The following CAMTA1 variants were observed in gnomAD, a reference collection of about 807,000 sequenced individuals.
The protein encoded by CAMTA1 is calmodulin-binding transcription activator 1.
In CAMTA1, 27 loss-of-function variants were observed where a neutral mutation model predicts 170.9. The observed-to-expected ratio is 0.16, with a 90% confidence interval of 0.12 to 0.22. The LOEUF is 0.22. CAMTA1 is among the 10% of genes least tolerant of loss of function. CAMTA1 has a pLI of 1.00. For missense variants in CAMTA1, 1,619 were observed against 2,217.2 expected, an observed-to-expected ratio of 0.73 and a Z score of 5.42; for synonymous variants, 833 against 891.5, an observed-to-expected ratio of 0.93 and a Z score of 1.17.
intron 3 of CAMTA1, among the ~76,000 whole-genome samples, chr1:6,935,993 G>T (rs1685241998): frequency 6.6e-6 from 1 of 152,190 alleles, no homozygotes; most frequent in African/African-American, 2.4e-5. Flanking sequence ...GGCTGTCGGA[G>T]GTCTAACTGT....
At chr1:6,914,536 C>T (rs1187149211) in intron 3 of CAMTA1, among the ~76,000 whole-genome samples, 10 of 152,238 alleles carry the variant, frequency 6.6e-5, no homozygotes, top group Admixed American at 4.6e-4. Context: ...ACACGGCTAT[C>T]GGCTGCCCTA....
At chr1:7,066,266 G>A (rs1047354865) in intron 3 of CAMTA1, among the ~76,000 whole-genome samples, 1 of 152,236 alleles carries the variant, frequency 6.6e-6, no homozygotes, top group East Asian at 1.9e-4. Context: ...GGCTGTAGCT[G>A]TTGGCCTTGG....
At chr1:7,692,520 CGAAA>C (rs1012284253) in intron 11 of CAMTA1, among the ~76,000 whole-genome samples, 2 of 152,052 alleles carry the variant, frequency 1.3e-5, no homozygotes, top group South Asian at 2.1e-4. Context: ...AAAGAAAGAA[CGAAA>C]GAAAGAATGA....
intron 4 of CAMTA1, among the ~76,000 whole-genome samples, chr1:7,170,558 T>C (rs904358633): frequency 1.3e-5 from 2 of 152,140 alleles, no homozygotes; most frequent in African/African-American, 2.4e-5. Flanking sequence ...AGTGAGAACA[T>C]GCAGTGTTTG....
At chr1:7,552,174 C>T (rs1349354252) in intron 6 of CAMTA1, among the ~76,000 whole-genome samples, 2 of 122,308 alleles carry the variant, frequency 1.6e-5, no homozygotes, top group African/African-American at 5.8e-5. Context: ...ATGAAGTAGC[C>T]TTCTGAAGGC....
At chr1:7,624,642 G>A (rs903292032) in intron 6 of CAMTA1, among the ~76,000 whole-genome samples, 5 of 152,206 alleles carry the variant, frequency 3.3e-5, no homozygotes, top group African/African-American at 1.2e-4. Context: ...ACCGATCCAG[G>A]ATGAGTGTCC....
At position 7,555,936 on chromosome 1, in the gene CAMTA1, C is replaced by G. The variant is rs532516577; in HGVS notation, c.511-84464C>G. Among the ~76,000 whole-genome samples, 6 of 152,306 alleles carry G rather than the reference C, an allele frequency of 3.9e-5. No individual in the cohort carries two copies. The South Asian group carries it at 1.2e-3, about 32-fold the overall frequency. On this transcript the variant is annotated intron_variant, in intron 6 of 22. Transcript: ENST00000303635. ...GTATTAATATGCAGCCATGGTGAGGCTAGCAGATCAGCAGGCGGCTGCCTG... is the reference window on the plus strand; with the variant it reads ...GTATTAATATGCAGCCATGGTGAGGGTAGCAGATCAGCAGGCGGCTGCCTG...
rs1684987380 is a variant in CAMTA1 at position 6,934,605 on chromosome 1, C to T, written c.234+109395C>T. Among the ~76,000 whole-genome samples, 1 of 152,166 alleles carries T rather than the reference C, an allele frequency of 6.6e-6. No homozygotes were observed. The highest frequency in any genetic ancestry group is 2.4e-5 in the African/African-American group (1 of 41,424). On this transcript the variant is annotated intron_variant, in intron 3 of 22. Coordinates refer to ENST00000303635, the MANE Select transcript of CAMTA1 (RefSeq NM_015215.4). The surrounding 1 kb of genome is among the most constrained non-coding windows in gnomAD (Gnocchi z 4.5). ...TGTGACAGGTACTGTGGAATCCTTG[C>T]CTTCCAGGGGAGACCTGTGGCCGGC...
intron 6 of CAMTA1, among the ~76,000 whole-genome samples, chr1:7,558,684 G>C (rs2150238121): frequency 6.6e-6 from 1 of 152,344 alleles, no homozygotes; most frequent in South Asian, 2.1e-4. Flanking sequence ...CGCTCTGCGG[G>C]TCTGGGGTGC....
rs1211328481 is a variant in CAMTA1, at chr1:7,249,138, G to A, written c.303-353G>A. On this transcript the variant is annotated intron_variant, in intron 4 of 22. Transcript: ENST00000303635. The surrounding 1 kb of genome is among the most constrained non-coding windows in gnomAD (Gnocchi z 4.4). ...CACAAGAGATAAGATATTGCAGGCT[G>A]CCACGACACCCCTGGCTCTTTTTGC... 6.6e-6 allele frequency among the ~76,000 whole-genome samples: 1 copy of A among 152,164 alleles called. No homozygotes were observed. Among genetic ancestry groups the A allele is most frequent in the East Asian group, 1.9e-4 (1 of 5,184 alleles).
At chr1:7,486,203 GA>G (rs147395746) in intron 6 of CAMTA1, among the ~76,000 whole-genome samples, 4,397 of 152,312 alleles carry the variant, frequency 0.029, 112 homozygotes, top group African/African-American at 0.067. Flanking sequence ...TGGTATGCTG[GA>G]AATGCCTAAC....
intron 3 of CAMTA1, among the ~76,000 whole-genome samples, chr1:6,997,317 A>G (rs965593703): frequency 1.3e-5 from 2 of 152,120 alleles, no homozygotes; most frequent in Non-Finnish European, 1.5e-5. Context: ...AAAGTCTCCA[A>G]CCAAACCTAC....
intron 3 of CAMTA1, among the ~76,000 whole-genome samples, chr1:6,836,446 G>A (rs1384462735): frequency 6.6e-6 from 1 of 152,176 alleles, no homozygotes; most frequent in African/African-American, 2.4e-5. Context: ...ATGTTCACTG[G>A]TCTGGCGAAG....
intron 4 of CAMTA1, among the ~76,000 whole-genome samples, chr1:7,166,948 T>G (rs551798558): frequency 1.5e-4 from 23 of 152,026 alleles, no homozygotes; most frequent in Admixed American, 1.2e-3. Flanking sequence ...GTATCTGAGA[T>G]TACAGGTACC....
rs1226207600 is a variant in CAMTA1 at position 7,664,878 on chromosome 1, C to G, written c.2331C>G (p.Ile777Met). The change falls in exon 9 of 23, where the codon ATC becomes ATG. Residue 777 changes from isoleucine (I) to methionine (M), a missense_variant. Ile to Met is a conservative substitution (Grantham distance 10). Coordinates refer to ENST00000303635, the MANE Select transcript of CAMTA1 (RefSeq NM_015215.4). ...TCAGCAACCAGTTCTCCGACCTGATCAACGACTTCATCTCCGTGGAGGGGG... is the reference window on the plus strand; with the variant it reads ...TCAGCAACCAGTTCTCCGACCTGATGAACGACTTCATCTCCGTGGAGGGGG... ...ISFSNQFSDLINDFISVEGGS... is the reference protein window; with the variant it reads ...ISFSNQFSDLMNDFISVEGGS... 1 of 1,613,364 alleles carries G rather than the reference C, an allele frequency of 6.2e-7. No homozygotes were observed. Among genetic ancestry groups the G allele is most frequent in the South Asian group, 1.1e-5 (1 of 91,084 alleles).
chr1:7,272,712 A>AAAAAAAAAAAAAAAG (rs1670017608), intron 5 of CAMTA1, among the ~76,000 whole-genome samples: 71 of 109,862 alleles, frequency 6.5e-4, no homozygotes, highest in East Asian at 1.4e-3. Context: ...AAAAAAAAAA[A>AAAAAAAAAAAAAAAG]AAAAGAAAAG....
chr1:7,147,880 A>T (rs1416937727), intron 4 of CAMTA1, among the ~76,000 whole-genome samples: 1 of 114,090 alleles, frequency 8.8e-6, no homozygotes. Context: ...CACACACACA[A>T]ACTCAAACAT....
intron 3 of CAMTA1, among the ~76,000 whole-genome samples, chr1:6,902,079 A>AAAAAAT (rs796874602): frequency 1.1e-4 from 8 of 75,276 alleles, no homozygotes; most frequent in African/African-American, 2.7e-4. Flanking sequence ...ACACAAAAAA[A>AAAAAAT]AAAATAAAAA....
chr1:6,820,033 C>A, intron 1 of CAMTA1, 148 bp from the exon 2 acceptor site: 1 of 634,392 alleles, frequency 1.6e-6, no homozygotes, highest in Non-Finnish European at 2.9e-6. Flanking sequence ...GCAGGCCAGT[C>A]ATTTTGTGGA....
Sources: gnomAD v4.1 joint callset for allele counts (sites outside exome capture counted in the v4.1 genomes callset) on GRCh38, gnomAD v4.1.1 for gene constraint, Gnocchi (gnomAD v3.1) non-coding constraint, MANE v1.5 for transcripts, NCBI Gene and HGNC (gene_info 2026-07-23, HGNC 2026-07-21) for gene names.